The following DOCK5 variants were observed in gnomAD, a reference collection of about 807,000 sequenced individuals.
DOCK5 encodes dedicator of cytokinesis 5.
In DOCK5, 142 loss-of-function variants were observed where a neutral mutation model predicts 251.8. That is an observed-to-expected ratio of 0.56 (90% CI 0.49 to 0.65). The LOEUF is 0.65. DOCK5 is among the 30% of genes least tolerant of loss of function. The pLI, the probability that DOCK5 is intolerant of heterozygous loss-of-function variation, is 0.00. For missense variants in DOCK5, 2,111 were observed against 2,312.3 expected, an observed-to-expected ratio of 0.91 and a Z score of 1.79; for synonymous variants, 842 against 835.5, an observed-to-expected ratio of 1.01 and a Z score of -0.13.
intron 48 of DOCK5, 31 bp from the exon 49 acceptor site, chr8:25,407,952 T>A: frequency 6.3e-7 from 1 of 1,598,124 alleles, no homozygotes; most frequent in Non-Finnish European, 8.5e-7. Flanking sequence ...GATCAGTATT[T>A]GTGATGTTTG....
chr8:25,350,005 G>C (rs565931730), intron 26 of DOCK5, among the ~76,000 whole-genome samples: 17 of 152,342 alleles, frequency 1.1e-4, no homozygotes, highest in African/African-American at 3.6e-4. Flanking sequence ...TAGAAGCAGA[G>C]AGTAGAACAT....
intron 1 of DOCK5, among the ~76,000 whole-genome samples, chr8:25,224,204 C>T (rs558918880): frequency 3.3e-5 from 5 of 152,242 alleles, no homozygotes; most frequent in East Asian, 3.9e-4. Flanking sequence ...CTGCAACCTC[C>T]GCCTCCCGAG....
chr8:25,373,263 G>T (rs960662470), intron 35 of DOCK5, among the ~76,000 whole-genome samples: 4 of 152,196 alleles, frequency 2.6e-5, no homozygotes, highest in Admixed American at 2.0e-4. Context: ...CTCCCAAAGT[G>T]CTGGGATTAC....
intron 13 of DOCK5, among the ~76,000 whole-genome samples, chr8:25,312,909 AAC>A (rs1159115845): frequency 6.6e-6 from 1 of 152,150 alleles, no homozygotes; most frequent in African/African-American, 2.4e-5. Context: ...CAGCCTGGGC[AAC>A]AGAGTAAGAC....
At chr8:25,233,704 A>G (rs1056227904) in intron 1 of DOCK5, among the ~76,000 whole-genome samples, 3 of 152,218 alleles carry the variant, frequency 2.0e-5, no homozygotes, top group Non-Finnish European at 4.4e-5. Flanking sequence ...GCCTTGGTCT[A>G]TCACTTTTCT....
intron 50 of DOCK5, among the ~76,000 whole-genome samples, 166 bp downstream of exon 50, chr8:25,409,106 G>A (rs925036175): frequency 6.6e-6 from 1 of 152,198 alleles, no homozygotes; most frequent in Non-Finnish European, 1.5e-5. Context: ...TTGGCAAGGA[G>A]GCCACTAGGA....
intron 1 of DOCK5, among the ~76,000 whole-genome samples, chr8:25,220,276 T>A (rs74623036): frequency 0.012 from 1,830 of 152,170 alleles, 24 homozygotes; most frequent in Middle Eastern, 0.037. Context: ...CCTTGGCCGC[T>A]TGTTCCTATA....
In DOCK5 at chr8:25,415,062, T is replaced by A. The variant is rs961778527; in HGVS notation, c.*3764T>A. ...GGCTTTGAGGTCCATGGACTATACT[T>A]GTCCCATTTATCATCCCAGGTGGTG... On this transcript the variant is annotated 3_prime_UTR_variant, in exon 52 of 52. Transcript: ENST00000276440. The A allele has an allele frequency of 6.6e-6, 1 of 152,144 alleles. No individual in the cohort carries two copies. The highest frequency in any genetic ancestry group is 6.5e-5 in the Admixed American group (1 of 15,272). The allele number at this position is 152,144 out of a possible 1,614,324, so 9.4% of individuals were successfully genotyped here. A position where few individuals can be genotyped will look rare whatever the true frequency, so the allele number is the denominator to read the frequency against.
At chr8:25,320,244 C>T (rs895769490) in intron 15 of DOCK5, among the ~76,000 whole-genome samples, 1 of 152,126 alleles carries the variant, frequency 6.6e-6, no homozygotes, top group Non-Finnish European at 1.5e-5. Flanking sequence ...GCTCCATCAG[C>T]TCTTTCTGGT....
intron 13 of DOCK5, among the ~76,000 whole-genome samples, chr8:25,310,885 AT>A (rs1382554533): frequency 6.6e-6 from 1 of 152,018 alleles, no homozygotes; most frequent in African/African-American, 2.4e-5. Context: ...CATAACTCAA[AT>A]TTTCTTACTC....
chr8:25,289,888 A>C (rs1804444559), intron 5 of DOCK5, among the ~76,000 whole-genome samples: 1 of 152,160 alleles, frequency 6.6e-6, no homozygotes, highest in South Asian at 2.1e-4. Flanking sequence ...ATGTGGATTC[A>C]GTGGAATTCT....
At position 25,310,407 on chromosome 8, in the gene DOCK5, G is replaced by C. The variant is rs1411658575; in HGVS notation, c.1193G>C (p.Gly398Ala). Residue 398 changes from glycine to alanine, a missense_variant and splice_region_variant, in exon 13 of 52, where the codon GGC becomes GCC. This residue lies in a region of DOCK5 where 1,717 missense variants were observed against 1,892.4 expected (regional missense o/e 0.91). Coordinates refer to ENST00000276440, the MANE Select transcript of DOCK5 (RefSeq NM_024940.8). Reference sequence around the variant, plus strand: ...ACGTTTATCTTTTATTTCTTTTAAGGCCTTTGGGTATCCTTGAAGCTCTTG... The same window carrying C: ...ACGTTTATCTTTTATTTCTTTTAAGCCCTTTGGGTATCCTTGAAGCTCTTG... ...AAKEVNHKGQ[G>A]LWVSLKLLPG... 6.2e-7 allele frequency: 1 copy of C among 1,607,934 alleles called. No homozygotes were observed. The highest frequency in any genetic ancestry group is 8.5e-7 in the Non-Finnish European group (1 of 1,178,190).
chr8:25,360,052 A>G (rs949288411), intron 28 of DOCK5, among the ~76,000 whole-genome samples: 2 of 152,184 alleles, frequency 1.3e-5, no homozygotes, highest in African/African-American at 2.4e-5. Flanking sequence ...TCATGTTGAC[A>G]CTAGTCTTTG....
chr8:25,190,083 C>T (rs1042647531), intron 1 of DOCK5, among the ~76,000 whole-genome samples: 26 of 152,156 alleles, frequency 1.7e-4, no homozygotes, highest in African/African-American at 6.0e-4. Context: ...GACGGGGTTT[C>T]ACCATGTTGG....
intron 2 of DOCK5, among the ~76,000 whole-genome samples, chr8:25,244,759 A>T: frequency 6.6e-6 from 1 of 152,186 alleles, no homozygotes; most frequent in Non-Finnish European, 1.5e-5. Flanking sequence ...AATTATCTGC[A>T]TGGTTGCATG....
At chr8:25,198,811 T>C (rs1178712629) in intron 1 of DOCK5, among the ~76,000 whole-genome samples, 1 of 152,162 alleles carries the variant, frequency 6.6e-6, no homozygotes, top group African/African-American at 2.4e-5. Context: ...TCTCCTTACT[T>C]ACAACTCTGG....
chr8:25,364,575 G>A, intron 29 of DOCK5, 51 bp from the exon 30 acceptor site: 3 of 1,374,414 alleles, frequency 2.2e-6, no homozygotes, highest in Non-Finnish European at 3.1e-6. Context: ...GTGGGAAAAG[G>A]TTTCAAAGGA....
At chr8:25,287,886 CTTTT>C (rs397892746) in intron 5 of DOCK5, among the ~76,000 whole-genome samples, 2 of 138,808 alleles carry the variant, frequency 1.4e-5, no homozygotes, top group Non-Finnish European at 1.6e-5. Flanking sequence ...AGCATATGCT[CTTTT>C]TTTTTTTTTT....
At chr8:25,226,908 A>G (rs1375524786) in intron 1 of DOCK5, among the ~76,000 whole-genome samples, 6 of 152,172 alleles carry the variant, frequency 3.9e-5, no homozygotes, top group South Asian at 4.1e-4. Context: ...AATCCATACC[A>G]TGGACATCTT....
Sources: gnomAD v4.1 joint callset for allele counts (sites outside exome capture counted in the v4.1 genomes callset) on GRCh38, gnomAD v4.1.1 for gene constraint, gnomAD v4.1.1 regional missense constraint, MANE v1.5 for transcripts, NCBI Gene and HGNC (gene_info 2026-07-23, HGNC 2026-07-21) for gene names.